Variants in RANBP2 observed in about 807,000 individuals in gnomAD.
The protein encoded by RANBP2 is E3 SUMO-protein ligase RanBP2.
A neutral mutation model predicts 303.6 loss-of-function variants in RANBP2; 57 were observed. The ratio of observed to expected loss-of-function variants is 0.19; its 90% CI spans 0.15 to 0.23. The LOEUF is 0.23. Among genes scored for constraint, RANBP2 ranks in the 10% least tolerant of loss-of-function variants. The pLI, the probability that RANBP2 is intolerant of heterozygous loss-of-function variation, is 1.00. For missense variants in RANBP2, 3,138 were observed against 3,780.8 expected, an observed-to-expected ratio of 0.83 and a Z score of 4.46; for synonymous variants, 1,167 against 1,301.5, an observed-to-expected ratio of 0.90 and a Z score of 2.23.
At chr2:109,057,230 G>A in the RANBP2 span, among the ~76,000 whole-genome samples, 1 of 152,082 alleles carries the variant, frequency 6.6e-6, no homozygotes. Context: ...ATAAATCCAC[G>A]GCTTTCATAC....
At chr2:108,852,059 A>G in the RANBP2 span, among the ~76,000 whole-genome samples, 3 of 152,172 alleles carry the variant, frequency 2.0e-5, no homozygotes. Flanking sequence ...CCAAAGAAAT[A>G]AACACCTACA....
At chr2:109,195,270 C>G in the RANBP2 span, among the ~76,000 whole-genome samples, 2 of 152,158 alleles carry the variant, frequency 1.3e-5, no homozygotes, top group Admixed American at 6.5e-5. Context: ...GAACAGGGAG[C>G]TAACAGGAGG....
At chr2:109,308,463 A>G in the RANBP2 span, among the ~76,000 whole-genome samples, 1 of 72,776 alleles carries the variant, frequency 1.4e-5, no homozygotes, top group Non-Finnish European at 2.4e-5. Context: ...TTTTGTTGCC[A>G]TTGCTTTTGG....
At chr2:108,871,683 C>A in the RANBP2 span, among the ~76,000 whole-genome samples, 3 of 152,092 alleles carry the variant, frequency 2.0e-5, no homozygotes, top group East Asian at 5.8e-4. Flanking sequence ...TAATTGTATA[C>A]CCTATTTAAA....
the RANBP2 span, among the ~76,000 whole-genome samples, chr2:108,977,550 G>A: frequency 2.0e-5 from 3 of 152,258 alleles, no homozygotes; most frequent in Non-Finnish European, 2.9e-5. Context: ...GATTACAGGC[G>A]TGAGCCACCG....
chr2:108,996,766 G>C, the RANBP2 span, among the ~76,000 whole-genome samples: 1 of 151,992 alleles, frequency 6.6e-6, no homozygotes, highest in Admixed American at 6.5e-5. Flanking sequence ...ATCATAGCTC[G>C]TTTCTTGCTC....
chr2:109,198,472 C>CT, the RANBP2 span, among the ~76,000 whole-genome samples: 1 of 152,184 alleles, frequency 6.6e-6, no homozygotes, highest in African/African-American at 2.4e-5. Context: ...TGATAGCTGT[C>CT]TGAGTTTCTC....
chr2:109,615,763 C>T, the RANBP2 span: 7 of 1,614,110 alleles, frequency 4.3e-6, no homozygotes, highest in Non-Finnish European at 5.9e-6. Flanking sequence ...CATCTCATCA[C>T]CTACAAACTC....
the RANBP2 span, among the ~76,000 whole-genome samples, chr2:109,688,706 C>G: frequency 7.1e-6 from 1 of 140,502 alleles, no homozygotes; most frequent in Non-Finnish European, 1.5e-5. Flanking sequence ...CTGAACCCGG[C>G]AGGCGGAGGT....
the RANBP2 span, among the ~76,000 whole-genome samples, chr2:109,576,967 T>C: frequency 3.3e-5 from 5 of 152,206 alleles, no homozygotes; most frequent in Admixed American, 3.3e-4. Context: ...GGACACACTA[T>C]TCAGAGTCAA....
chr2:109,016,121 G>A, the RANBP2 span, among the ~76,000 whole-genome samples: 5 of 152,212 alleles, frequency 3.3e-5, no homozygotes, highest in South Asian at 2.1e-4. Context: ...TCGCTCTGTC[G>A]CCCAGGCTGG....
At chr2:109,641,487 G>A in the RANBP2 span, among the ~76,000 whole-genome samples, 57,922 of 152,058 alleles carry the variant, frequency 0.38, 11,980 homozygotes, top group Middle Eastern at 0.57. Context: ...GAATAAGTCA[G>A]TCACAAAAAG....
At chr2:109,278,712 C>G in the RANBP2 span, among the ~76,000 whole-genome samples, 1 of 152,216 alleles carries the variant, frequency 6.6e-6, no homozygotes, top group African/African-American at 2.4e-5. Flanking sequence ...CTTCCAGAGC[C>G]ATGTCTTCAT....
At chr2:109,359,876 TG>T in the RANBP2 span, among the ~76,000 whole-genome samples, 1 of 152,100 alleles carries the variant, frequency 6.6e-6, no homozygotes, top group African/African-American at 2.4e-5. Context: ...GGTCATAAAA[TG>T]GCACATGTGT....
the RANBP2 span, chr2:109,544,786 C>A: frequency 2.1e-4 from 171 of 808,138 alleles, 2 homozygotes; most frequent in East Asian, 0.016. Flanking sequence ...TTTATTCTTT[C>A]AAAAATAATT....
chr2:109,485,192 TG>T, the RANBP2 span, among the ~76,000 whole-genome samples: 1 of 152,220 alleles, frequency 6.6e-6, no homozygotes, highest in Non-Finnish European at 1.5e-5. Context: ...TCTTAAATAT[TG>T]CCTGAGGCAA....
At chr2:109,367,015 A>G in the RANBP2 span, among the ~76,000 whole-genome samples, 1 of 151,896 alleles carries the variant, frequency 6.6e-6, no homozygotes, top group Non-Finnish European at 1.5e-5. Context: ...GTGGAGTGGC[A>G]TGATCTTGGT....
chr2:109,567,499 G>C, the RANBP2 span, among the ~76,000 whole-genome samples: 1 of 152,130 alleles, frequency 6.6e-6, no homozygotes, highest in Non-Finnish European at 1.5e-5. Flanking sequence ...TGTTTATAAA[G>C]ACAGGGTAGG....
chr2:109,256,285 T>C, the RANBP2 span, among the ~76,000 whole-genome samples: 1 of 152,162 alleles, frequency 6.6e-6, no homozygotes, highest in Admixed American at 6.5e-5. Flanking sequence ...GTTGAGCGTA[T>C]TACTGGGAGT....
Sources: allele counts gnomAD v4.1 joint callset (sites outside exome capture counted in the v4.1 genomes callset), GRCh38; gene constraint gnomAD v4.1.1; transcripts MANE v1.5; gene names NCBI Gene and HGNC (gene_info 2026-07-23, HGNC 2026-07-21).